Variants in EXOC3L2 observed in about 807,000 individuals in gnomAD.
The protein encoded by EXOC3L2 is exocyst complex component 3 like 2.
Under a neutral mutation model 44.4 loss-of-function variants are expected in EXOC3L2, and 17 were observed. That is an observed-to-expected ratio of 0.38 (90% CI 0.26 to 0.57). EXOC3L2 has a LOEUF of 0.57. Among genes scored for constraint, EXOC3L2 ranks in the 20% least tolerant of loss-of-function variants. The probability of loss-of-function intolerance (pLI) is 0.65; values close to 1 mark genes in which losing one functional copy is unlikely to be tolerated. For synonymous variants in EXOC3L2, 256 were observed against 253.7 expected, an observed-to-expected ratio of 1.01 and a Z score of -0.09; for missense variants, 541 against 588.4, an observed-to-expected ratio of 0.92 and a Z score of 0.83.
chr19:45,228,327 A>G, intron 4 of EXOC3L2, 61 bp from the exon 5 acceptor site: 1 of 1,410,436 alleles, frequency 7.1e-7, no homozygotes, highest in Non-Finnish European at 9.9e-7. Context: ...CTTTTTTTTT[A>G]TCTCTTTCTC....
chr19:45,242,513 C>T (rs544245620), intron 1 of EXOC3L2, among the ~76,000 whole-genome samples: 1 of 152,242 alleles, frequency 6.6e-6, no homozygotes, highest in East Asian at 1.9e-4. Context: ...CCTCCTCGGC[C>T]TCCCAAAGTA....
In EXOC3L2 at chr19:45,216,200, G is replaced by A. The variant is rs759310567; in HGVS notation, c.1999-6C>T. The A allele has an allele frequency of 4.3e-5, 69 of 1,613,398 alleles. No homozygotes were observed. Among genetic ancestry groups the A allele is most frequent in the South Asian group, 1.2e-4 (11 of 91,058 alleles). On this transcript the variant is annotated splice_region_variant and splice_polypyrimidine_tract_variant and intron_variant, in intron 10 of 11. Coordinates refer to ENST00000413988, the MANE Select transcript of EXOC3L2 (RefSeq NM_001382422.1). ...AGCCACGAGGCCTGGGACTCCTGCA[G>A]GGGAGGGAGGGTGCGGGGTCACACC...
intron 2 of EXOC3L2, among the ~76,000 whole-genome samples, chr19:45,235,266 G>T (rs1438153954): frequency 6.6e-6 from 1 of 152,164 alleles, no homozygotes; most frequent in African/African-American, 2.4e-5. Context: ...CTGCACCCCA[G>T]CCTGGGCAAC....
chr19:45,243,765 G>A (rs1004162710), intron 1 of EXOC3L2, among the ~76,000 whole-genome samples: 1 of 152,096 alleles, frequency 6.6e-6, no homozygotes, highest in Non-Finnish European at 1.5e-5. Flanking sequence ...AAGTAGCTGG[G>A]ACTACAGGTG....
intron 4 of EXOC3L2, among the ~76,000 whole-genome samples, chr19:45,228,870 G>A (rs1271665739): frequency 6.6e-6 from 1 of 150,978 alleles, no homozygotes; most frequent in Non-Finnish European, 1.5e-5. Flanking sequence ...AGGAGATGGA[G>A]ACCATCCTGG....
At chr19:45,213,451 C>G in intron 11 of EXOC3L2, 94 bp from the exon 12 acceptor site, 1 of 1,497,340 alleles carries the variant, frequency 6.7e-7, no homozygotes, top group South Asian at 1.2e-5. Context: ...CCTCACCTAT[C>G]CCAGAAATTG....
intron 1 of EXOC3L2, among the ~76,000 whole-genome samples, chr19:45,241,144 G>A (rs1240668930): frequency 6.6e-6 from 1 of 152,058 alleles, no homozygotes; most frequent in African/African-American, 2.4e-5. Context: ...CCTCCTCCCT[G>A]GTCCCCAGCC....
chr19:45,216,181 G>C lies in EXOC3L2; in HGVS notation c.2012C>G (p.Ser671Trp), dbSNP rs1026885638. The stretch of plus-strand genomic sequence containing the variant: ...ATGGGGCACCACGGCATCCAGCCAC[G>C]AGGCCTGGGACTCCTGCAGGGGAGG... ...RLFRRLESQASWLDAVVPHLA... is the reference protein window; with the variant it reads ...RLFRRLESQAWWLDAVVPHLA... The change falls in exon 11 of 12, where the codon TCG becomes TGG. Residue 671 changes from serine to tryptophan, a missense_variant. Physicochemically the swap from Ser to Trp is radical, Grantham distance 177. Coordinates refer to ENST00000413988, the MANE Select transcript of EXOC3L2 (RefSeq NM_001382422.1). 6.2e-7 allele frequency: 1 copy of C among 1,613,766 alleles called. No homozygotes were observed. Among genetic ancestry groups the C allele is most frequent in the East Asian group, 2.2e-5 (1 of 44,872 alleles).
At chr19:45,236,433 T>G (rs1331106638) in intron 2 of EXOC3L2, among the ~76,000 whole-genome samples, 3 of 119,140 alleles carry the variant, frequency 2.5e-5, no homozygotes, top group Non-Finnish European at 4.8e-5. Flanking sequence ...GCCATTGCAC[T>G]CCAGCCTGGA....
At chr19:45,230,037 T>G (rs1970014031) in intron 4 of EXOC3L2, among the ~76,000 whole-genome samples, 1 of 151,764 alleles carries the variant, frequency 6.6e-6, no homozygotes, top group Admixed American at 6.6e-5. Flanking sequence ...ATATTGTTTT[T>G]CTTTAGAGGC....
In EXOC3L2 at chr19:45,228,160, C is replaced by T. The variant is rs1969987049; in HGVS notation, c.1371+5G>A. 6.2e-7 allele frequency: 1 copy of T among 1,614,092 alleles called. No homozygotes were observed. The highest frequency in any genetic ancestry group is 1.1e-5 in the South Asian group (1 of 91,080). ...CCCATCCCCCAGCCTCCCTCCACCT[C>T]CTACCTCACACACATCCTGGGCCAG... On this transcript the variant is annotated splice_donor_5th_base_variant and intron_variant, in intron 5 of 11. Transcript: ENST00000413988.
chr19:45,232,956 G>A (rs1024086976), intron 3 of EXOC3L2, among the ~76,000 whole-genome samples: 4 of 151,882 alleles, frequency 2.6e-5, no homozygotes, highest in South Asian at 2.1e-4. Flanking sequence ...TGGCTCATGC[G>A]TGTAATCCCA....
chr19:45,213,263 A>G lies in EXOC3L2; in HGVS notation c.2215T>C (p.Ser739Pro), dbSNP rs530663749. Residue 739 changes from serine to proline, a missense_variant, in exon 12 of 12, where the codon TCT becomes CCT. By Grantham distance (74) the Ser-to-Pro change is moderately conservative. Coordinates refer to ENST00000413988, the MANE Select transcript of EXOC3L2 (RefSeq NM_001382422.1). ...ILAVARDLEL[S>P]EEGALSPPRD... ...GGGGGTGACAGGGCTCCCTCCTCAG[A>G]GAGTTCCAGGTCCCGGGCCACGGCC... 729 of 1,613,622 alleles carry G rather than the reference A, an allele frequency of 4.5e-4. 8 individuals carry two copies. In the South Asian group the frequency reaches 6.9e-3, roughly 15 times the overall value.
intron 8 of EXOC3L2, among the ~76,000 whole-genome samples, chr19:45,218,662 C>T (rs1313411267): frequency 2.6e-5 from 4 of 151,894 alleles, no homozygotes; most frequent in African/African-American, 9.7e-5. Flanking sequence ...TCTTCCTTAG[C>T]CAAGTGAGGG....
intron 8 of EXOC3L2, among the ~76,000 whole-genome samples, chr19:45,223,589 C>T (rs939611861): frequency 1.2e-4 from 18 of 151,148 alleles, no homozygotes; most frequent in African/African-American, 4.4e-4. Context: ...GTGATCCGCC[C>T]ACCTTGGCCT....
chr19:45,213,507 A>C, intron 11 of EXOC3L2, 150 bp from the exon 12 acceptor site: 2 of 835,610 alleles, frequency 2.4e-6, no homozygotes, highest in Non-Finnish European at 3.6e-6. Context: ...CTTCCCTCCA[A>C]TCAGCTCCCT....
Position 45,213,236 on chromosome 19 carries a change from G to C in EXOC3L2, c.2242C>G (p.Arg748Gly). ...LSEEGALSPP[R>G]DRAFFADIPV... is the part of the protein sequence containing the mutation. ...ATGTCTGCAAAGAAGGCACGGTCCCGAGGGGGTGACAGGGCTCCCTCCTCA... is the reference window on the plus strand; with the variant it reads ...ATGTCTGCAAAGAAGGCACGGTCCCCAGGGGGTGACAGGGCTCCCTCCTCA... Residue 748 changes from arginine (R) to glycine (G), a missense_variant, in exon 12 of 12, where the codon CGG becomes GGG. Arg to Gly is a moderately radical substitution (Grantham distance 125). Coordinates refer to ENST00000413988, the MANE Select transcript of EXOC3L2 (RefSeq NM_001382422.1). 4 of 1,613,066 alleles carry C rather than the reference G, an allele frequency of 2.5e-6. No individual in the cohort carries two copies. The highest frequency in any genetic ancestry group is 3.4e-6 in the Non-Finnish European group (4 of 1,179,506).
chr19:45,241,168 C>T, intron 1 of EXOC3L2, among the ~76,000 whole-genome samples: 1 of 152,298 alleles, frequency 6.6e-6, no homozygotes, highest in East Asian at 1.9e-4. Context: ...AGTCTTGGCA[C>T]CTCCAGTCCG....
intron 9 of EXOC3L2, 36 bp downstream of exon 9, chr19:45,218,161 C>A: frequency 2.5e-6 from 2 of 807,210 alleles, no homozygotes; most frequent in South Asian, 2.2e-5. Context: ...CCTCTTTTCC[C>A]CCACCCCCAC....
Sources: allele counts gnomAD v4.1 joint callset (sites outside exome capture counted in the v4.1 genomes callset), GRCh38; gene constraint gnomAD v4.1.1; transcripts MANE v1.5; gene names NCBI Gene and HGNC (gene_info 2026-07-23, HGNC 2026-07-21).